DPP10: variants seen among roughly 807,000 people sequenced by gnomAD.
The protein encoded by DPP10 is inactive dipeptidyl peptidase 10.
A neutral mutation model predicts 120.9 loss-of-function variants in DPP10; 33 were observed. The ratio of observed to expected loss-of-function variants is 0.27; its 90% CI spans 0.21 to 0.37. DPP10 has a LOEUF of 0.37. DPP10 is among the 10% of genes least tolerant of loss of function. The pLI, the probability that DPP10 is intolerant of heterozygous loss-of-function variation, is 1.00. For missense variants in DPP10, 816 were observed against 942.8 expected (o/e 0.87, Z 1.76); for synonymous variants, 337 against 326.1 (o/e 1.03, Z -0.36).
intron 5 of DPP10, among the ~76,000 whole-genome samples, chr2:115,527,563 C>T (rs2078207803): frequency 6.6e-6 from 1 of 152,032 alleles, no homozygotes; most frequent in African/African-American, 2.4e-5. Flanking sequence ...GCTAAAAATA[C>T]AAGTTACAGT....
At position 114,717,254 on chromosome 2, in the gene DPP10, G is replaced by A. The variant is rs546005264; in HGVS notation, c.60+274416G>A. Among the ~76,000 whole-genome samples, 199 of 152,282 alleles carry A rather than the reference G, an allele frequency of 1.3e-3. 3 individuals are homozygous for A. In the South Asian group the frequency reaches 0.022, roughly 17 times the overall value. On this transcript the variant is annotated intron_variant, in intron 1 of 25. Transcript: ENST00000410059. The stretch of plus-strand genomic sequence containing the variant: ...AGGGAAAACAAAGGCCATAGAAAGT[G>A]TCAGATCCTTCAGAGTAGGTCTGCG...
intron 1 of DPP10, among the ~76,000 whole-genome samples, chr2:114,596,171 T>G (rs549650801): frequency 2.6e-4 from 39 of 152,140 alleles, no homozygotes; most frequent in Non-Finnish European, 4.9e-4. Flanking sequence ...TAGCTCTTGC[T>G]TTCTCCCTGA....
intron 19 of DPP10, among the ~76,000 whole-genome samples, chr2:115,793,679 G>A (rs1339117085): frequency 1.3e-5 from 2 of 151,742 alleles, no homozygotes; most frequent in East Asian, 3.9e-4. Flanking sequence ...TACTTTTTTG[G>A]TTGATACAGG....
chr2:115,508,503 G>C (rs547323274), intron 4 of DPP10, among the ~76,000 whole-genome samples: 30 of 152,246 alleles, frequency 2.0e-4, no homozygotes, highest in African/African-American at 7.2e-4. Flanking sequence ...AGGAATATAA[G>C]AATGAAAGTT....
rs370193784 is a variant in DPP10 at position 115,842,359 on chromosome 2, T to C, written c.*14T>C. 4.8e-5 allele frequency: 77 copies of C among 1,611,056 alleles called. No homozygotes were observed. The highest frequency in any genetic ancestry group is 5.8e-5 in the Non-Finnish European group (68 of 1,178,306). ...GAAGATGAATAATGGACTGTATTTA[T>C]ACAGAACTGAAGGGAATATTGAGGC... is the stretch of plus-strand genomic sequence containing the variant. On this transcript the variant is annotated 3_prime_UTR_variant, in exon 26 of 26. Transcript: ENST00000410059.
chr2:114,900,382 C>T (rs1016199846), intron 1 of DPP10, among the ~76,000 whole-genome samples: 7 of 152,134 alleles, frequency 4.6e-5, no homozygotes, highest in Non-Finnish European at 7.3e-5. Context: ...ACCAGTGGCT[C>T]CCCTTCCTTA....
At chr2:115,223,701 C>A (rs2057294900) in intron 1 of DPP10, among the ~76,000 whole-genome samples, 1 of 151,866 alleles carries the variant, frequency 6.6e-6, no homozygotes, top group African/African-American at 2.4e-5. Context: ...TTGGAGGAAA[C>A]CCTGAAAAAT....
intron 1 of DPP10, among the ~76,000 whole-genome samples, chr2:114,989,300 C>T (rs551582739): frequency 8.5e-5 from 13 of 152,174 alleles, no homozygotes; most frequent in Non-Finnish European, 1.5e-4. Context: ...ATTTACTTCC[C>T]GTAACTTCAT....
At chr2:115,661,840 C>T (rs760683442) in intron 5 of DPP10, among the ~76,000 whole-genome samples, 3 of 152,184 alleles carry the variant, frequency 2.0e-5, no homozygotes, top group Admixed American at 6.5e-5. Flanking sequence ...ACTTCTATCA[C>T]CTCCTGTAGT....
chr2:115,739,690 T>C (rs1157419106), intron 8 of DPP10, 49 bp from the exon 9 acceptor site: 41 of 1,583,134 alleles, frequency 2.6e-5, no homozygotes, highest in Non-Finnish European at 3.5e-5. Flanking sequence ...TGTGGGTCAC[T>C]GAGCCCACAT....
chr2:114,677,443 T>G (rs1698741896), intron 1 of DPP10, among the ~76,000 whole-genome samples: 1 of 152,110 alleles, frequency 6.6e-6, no homozygotes, highest in South Asian at 2.1e-4. Context: ...CTGAAATACA[T>G]CTCATAGCAG....
At chr2:115,833,726 A>T (rs1169182611) in intron 21 of DPP10, among the ~76,000 whole-genome samples, 1 of 152,230 alleles carries the variant, frequency 6.6e-6, no homozygotes, top group Non-Finnish European at 1.5e-5. Context: ...GGCTGTGTGT[A>T]TAAGGTATAT....
chr2:114,706,431 C>A (rs560207930), intron 1 of DPP10, among the ~76,000 whole-genome samples: 36 of 152,190 alleles, frequency 2.4e-4, no homozygotes, highest in Non-Finnish European at 5.0e-4. Context: ...TCTGAAGACT[C>A]TAAAGGAGAA....
chr2:115,312,186 G>A (rs2061606534), intron 2 of DPP10, among the ~76,000 whole-genome samples: 1 of 152,146 alleles, frequency 6.6e-6, no homozygotes, highest in African/African-American at 2.4e-5. Context: ...ATGCTGGAGT[G>A]GAAAAGGTAT....
At chr2:114,721,668 T>C (rs750597536) in intron 1 of DPP10, among the ~76,000 whole-genome samples, 8 of 152,178 alleles carry the variant, frequency 5.3e-5, no homozygotes, top group Non-Finnish European at 8.8e-5. Flanking sequence ...TGCCATGACT[T>C]GTAGGCATGC....
intron 4 of DPP10, among the ~76,000 whole-genome samples, chr2:115,512,030 C>T: frequency 6.6e-6 from 1 of 151,718 alleles, no homozygotes; most frequent in East Asian, 2.0e-4. Flanking sequence ...CCACACAAGA[C>T]TTCCTCCCTC....
chr2:115,352,353 A>C (rs1433776845), intron 3 of DPP10, among the ~76,000 whole-genome samples: 1 of 152,180 alleles, frequency 6.6e-6, no homozygotes, highest in Non-Finnish European at 1.5e-5. Flanking sequence ...CTCTGCACAG[A>C]GCTTCATATA....
chr2:115,644,150 CT>C (rs773344296), intron 5 of DPP10, among the ~76,000 whole-genome samples: 3 of 151,802 alleles, frequency 2.0e-5, no homozygotes, highest in South Asian at 2.1e-4. Flanking sequence ...ATAATAGTTT[CT>C]TTTTTTAAAT....
intron 5 of DPP10, among the ~76,000 whole-genome samples, chr2:115,652,591 A>G (rs977654436): frequency 9.2e-5 from 14 of 151,916 alleles, no homozygotes; most frequent in African/African-American, 3.4e-4. Flanking sequence ...CCGATGGTAC[A>G]GTTCTAGTGT....
Sources: allele counts gnomAD v4.1 joint callset (sites outside exome capture counted in the v4.1 genomes callset), GRCh38; gene constraint gnomAD v4.1.1; transcripts MANE v1.5; gene names NCBI Gene and HGNC (gene_info 2026-07-23, HGNC 2026-07-21).